The following RTN1 variants were observed in gnomAD, a reference collection of about 807,000 sequenced individuals.
RTN1 encodes the protein reticulon 1.
In RTN1, 25 loss-of-function variants were observed where a neutral mutation model predicts 65.5. The ratio of observed to expected loss-of-function variants is 0.38; its 90% CI spans 0.28 to 0.53. RTN1 has a LOEUF of 0.53. Among genes scored for constraint, RTN1 ranks in the 20% least tolerant of loss-of-function variants. The pLI is 0.79. For missense variants in RTN1, 983 were observed against 1,025.4 expected, an observed-to-expected ratio of 0.96 and a Z score of 0.57; for synonymous variants, 471 against 447.6, an observed-to-expected ratio of 1.05 and a Z score of -0.66.
Position 59,607,450 on chromosome 14 carries a change from A to G in RTN1, c.1808T>C (p.Ile603Thr). 1.2e-6 allele frequency: 2 copies of G among 1,610,130 alleles called. No homozygotes were observed. Among genetic ancestry groups the G allele is most frequent in the South Asian group, 2.2e-5 (2 of 90,638 alleles). Residue 603 changes from isoleucine to threonine, a missense_variant, in exon 4 of 9, where the codon ATC becomes ACC. Transcript: ENST00000267484. ...LYWRDIKQTG[I>T]VFGSFLLLLF... Reference sequence around the variant, plus strand: ...CAGCAGCAGGAAACTCCCAAACACGATGCCCGTCTGCTTGATGTCCCGCCA... The same window carrying G: ...CAGCAGCAGGAAACTCCCAAACACGGTGCCCGTCTGCTTGATGTCCCGCCA...
chr14:59,614,431 TA>T (rs949059498), intron 3 of RTN1, among the ~76,000 whole-genome samples: 2 of 152,164 alleles, frequency 1.3e-5, no homozygotes, highest in African/African-American at 4.8e-5. Flanking sequence ...TGTTTACATA[TA>T]AAAAAACTCT....
chr14:59,820,326 C>G (rs1238193611), intron 1 of RTN1, among the ~76,000 whole-genome samples: 1 of 146,330 alleles, frequency 6.8e-6, no homozygotes, highest in Non-Finnish European at 1.5e-5. Context: ...AATACTTTCT[C>G]CCATTCTGTA....
chr14:59,710,823 T>C (rs772924523), intron 3 of RTN1, among the ~76,000 whole-genome samples: 22 of 152,330 alleles, frequency 1.4e-4, no homozygotes, highest in Middle Eastern at 6.8e-3. Context: ...TACTGCCATA[T>C]CTAGTACAGA....
At chr14:59,807,580 AG>A (rs569256302) in intron 1 of RTN1, among the ~76,000 whole-genome samples, 25 of 152,346 alleles carry the variant, frequency 1.6e-4, no homozygotes, top group South Asian at 8.3e-4. Context: ...AGGACATGGC[AG>A]AGTTAACATA....
At chr14:59,857,728 T>C (rs1369615293) in intron 1 of RTN1, among the ~76,000 whole-genome samples, 1 of 152,240 alleles carries the variant, frequency 6.6e-6, no homozygotes, top group African/African-American at 2.4e-5. Context: ...TCTATTCTAC[T>C]GTCAGACTAA....
intron 1 of RTN1, among the ~76,000 whole-genome samples, chr14:59,795,161 A>G (rs980749452): frequency 2.6e-5 from 4 of 152,182 alleles, no homozygotes; most frequent in Non-Finnish European, 4.4e-5. Context: ...GCTAATTTCA[A>G]TATTCTGTGA....
intron 2 of RTN1, among the ~76,000 whole-genome samples, chr14:59,732,369 C>T (rs549214250): frequency 3.2e-4 from 49 of 152,256 alleles, no homozygotes; most frequent in African/African-American, 1.0e-3. Flanking sequence ...TGGAGAGGAA[C>T]GAAAGGGGCA....
intron 8 of RTN1, among the ~76,000 whole-genome samples, chr14:59,597,813 G>A (rs1397609860): frequency 2.0e-5 from 3 of 152,188 alleles, no homozygotes; most frequent in African/African-American, 7.2e-5. Context: ...GATGTGAAGT[G>A]TTTCAGGCAG....
chr14:59,870,608 TG>T lies in RTN1; in HGVS notation c.22del (p.Gln8ArgfsTer26). 7.0e-7 allele frequency: 1 copy of T among 1,430,162 alleles called. No homozygotes were observed. The highest frequency in any genetic ancestry group is 1.4e-5 in the South Asian group (1 of 70,536). 88.6% of individuals were successfully genotyped at this position (1,430,162 alleles called of 1,614,324 possible). On this transcript the variant is annotated frameshift_variant, in exon 1 of 9. Coordinates refer to ENST00000267484, the MANE Select transcript of RTN1 (RefSeq NM_021136.3). LOFTEE classifies it high-confidence loss of function. This position sits in a 1 kb window ranked among gnomAD's most constrained non-coding sequence, Gnocchi z 5.1. Reference protein sequence around the residue: MAAPGDPQDELLPLAGPG... With the variant: MAAPGDPXDELLPLAGPG... ...GCCGGCCAGCGGCAGCAGCTCGTCC[TG>T]CGGATCCCCCGGCGCGGCCATGGCT... is the stretch of plus-strand genomic sequence containing the variant.
chr14:59,787,564 C>G (rs564980817), intron 1 of RTN1, among the ~76,000 whole-genome samples: 2 of 152,280 alleles, frequency 1.3e-5, no homozygotes, highest in African/African-American at 4.8e-5. Flanking sequence ...TTCTATGCAG[C>G]TTTTACTTGC....
intron 3 of RTN1, among the ~76,000 whole-genome samples, chr14:59,667,184 G>C (rs1346216036): frequency 6.6e-6 from 1 of 152,064 alleles, no homozygotes; most frequent in Non-Finnish European, 1.5e-5. Flanking sequence ...CAATATCCCT[G>C]ATGAACATCA....
intron 3 of RTN1, among the ~76,000 whole-genome samples, chr14:59,669,684 T>G (rs572950856): frequency 1.3e-5 from 2 of 152,316 alleles, no homozygotes; most frequent in African/African-American, 4.8e-5. Context: ...GAATACTCTG[T>G]AAGTCTAGTG....
chr14:59,659,193 A>T (rs1336950044), intron 3 of RTN1, among the ~76,000 whole-genome samples: 1 of 152,152 alleles, frequency 6.6e-6, no homozygotes, highest in Non-Finnish European at 1.5e-5. Flanking sequence ...GAAAAAAAAA[A>T]AGAATGAAAA....
intron 3 of RTN1, among the ~76,000 whole-genome samples, chr14:59,726,426 T>C (rs1884761133): frequency 6.6e-6 from 1 of 152,174 alleles, no homozygotes; most frequent in African/African-American, 2.4e-5. Context: ...TCCCTTGCCC[T>C]TGGGTAAGAG....
At position 59,810,946 on chromosome 14, in the gene RTN1, C is replaced by A. The variant is rs565887022; in HGVS notation, c.241+59444G>T. ...ACAGGACCCTGGATTGTAGCTGCAG[C>A]CCAGTTTTCTCCAAAGAGAAGCAAA... On this transcript the variant is annotated intron_variant, in intron 1 of 8. Transcript: ENST00000267484. Among the ~76,000 whole-genome samples the A allele has an allele frequency of 7.2e-5, 11 of 152,224 alleles. No homozygotes were observed. The South Asian group carries it at 2.3e-3, about 32-fold the overall frequency.
intron 1 of RTN1, among the ~76,000 whole-genome samples, chr14:59,822,209 G>A (rs1000569060): frequency 6.6e-6 from 1 of 152,120 alleles, no homozygotes; most frequent in Non-Finnish European, 1.5e-5. Context: ...GTCTGTTCAG[G>A]ATTTCAATTT....
intron 1 of RTN1, among the ~76,000 whole-genome samples, chr14:59,857,112 T>C (rs1887622255): frequency 6.6e-6 from 1 of 152,162 alleles, no homozygotes; most frequent in Non-Finnish European, 1.5e-5. Context: ...GTATTTACCA[T>C]ATGATTGCCA....
At chr14:59,674,336 C>G (rs1292515383) in intron 3 of RTN1, among the ~76,000 whole-genome samples, 5 of 152,096 alleles carry the variant, frequency 3.3e-5, no homozygotes, top group East Asian at 1.9e-4. Context: ...GATAGCATGC[C>G]TAGTGCTCCA....
chr14:59,780,351 A>C (rs1199922088), intron 1 of RTN1, among the ~76,000 whole-genome samples: 1 of 152,242 alleles, frequency 6.6e-6, no homozygotes, highest in Non-Finnish European at 1.5e-5. Flanking sequence ...AAAGAAATTC[A>C]AATTAGTAAA....
Sources: gnomAD v4.1 joint callset for allele counts (sites outside exome capture counted in the v4.1 genomes callset) on GRCh38, gnomAD v4.1.1 for gene constraint, Gnocchi (gnomAD v3.1) non-coding constraint, MANE v1.5 for transcripts, NCBI Gene and HGNC (gene_info 2026-07-23, HGNC 2026-07-21) for gene names.